Variants in THADA observed in about 807,000 individuals in gnomAD.
THADA encodes the protein THADA armadillo repeat containing, also known as tRNA (32-2'-O)-methyltransferase regulator THADA.
Under a neutral mutation model 219.8 loss-of-function variants are expected in THADA, and 213 were observed. That is an observed-to-expected ratio of 0.97 (90% CI 0.87 to 1.09). The LOEUF is 1.09. Ranked by LOEUF, THADA falls within the 50% of genes least tolerant of loss-of-function variation. The pLI, the probability that THADA is intolerant of heterozygous loss-of-function variation, is 0.00. For synonymous variants in THADA, 1,018 were observed against 828.9 expected (o/e 1.23, Z -3.92); for missense variants, 2,956 against 2,311.3 (o/e 1.28, Z -5.72).
intron 34 of THADA, among the ~76,000 whole-genome samples, chr2:43,290,376 G>T (rs890179385): frequency 1.3e-5 from 2 of 151,452 alleles, no homozygotes; most frequent in Non-Finnish European, 2.9e-5. Context: ...TTAGCTCCTA[G>T]TGACCTCCTA....
chr2:43,266,087 A>G (rs893724162), intron 36 of THADA, among the ~76,000 whole-genome samples: 1 of 151,902 alleles, frequency 6.6e-6, no homozygotes, highest in African/African-American at 2.4e-5. Context: ...GTGTGATGGG[A>G]CTGGGTTGCC....
chr2:43,280,920 TGA>T (rs1262670043), intron 35 of THADA, among the ~76,000 whole-genome samples: 1 of 152,182 alleles, frequency 6.6e-6, no homozygotes, highest in African/African-American at 2.4e-5. Flanking sequence ...ACAGGAAAGA[TGA>T]GAGTGGACTG....
intron 36 of THADA, among the ~76,000 whole-genome samples, chr2:43,238,660 A>T (rs1668313757): frequency 6.6e-6 from 1 of 152,234 alleles, no homozygotes; most frequent in Non-Finnish European, 1.5e-5. Flanking sequence ...CTTGTACATA[A>T]ATGTTCATAG....
chr2:43,270,026 C>T (rs1671948867), intron 36 of THADA, among the ~76,000 whole-genome samples: 1 of 152,174 alleles, frequency 6.6e-6, no homozygotes, highest in Non-Finnish European at 1.5e-5. Context: ...TCTGCCCTTA[C>T]CCCACACCAC....
At chr2:43,292,277 C>T in intron 32 of THADA, 55 bp from the exon 33 acceptor site, 1 of 1,129,702 alleles carries the variant, frequency 8.9e-7, no homozygotes, top group Non-Finnish European at 1.3e-6. Context: ...AGGGAGATGT[C>T]TCTAGATGTT....
chr2:43,357,116 A>G (rs750990212), intron 29 of THADA, among the ~76,000 whole-genome samples: 2 of 152,230 alleles, frequency 1.3e-5, no homozygotes, highest in Non-Finnish European at 2.9e-5. Flanking sequence ...TACTTTGGGA[A>G]CTGCAAGTAT....
At chr2:43,318,027 ATATTT>A (rs951856880) in intron 31 of THADA, among the ~76,000 whole-genome samples, 3 of 152,006 alleles carry the variant, frequency 2.0e-5, no homozygotes, top group Non-Finnish European at 4.4e-5. Flanking sequence ...TCTAGTTGCC[ATATTT>A]TATTTTATTT....
chr2:43,569,211 A>C (rs1341844344), intron 14 of THADA, among the ~76,000 whole-genome samples: 1 of 152,140 alleles, frequency 6.6e-6, no homozygotes, highest in African/African-American at 2.4e-5. Flanking sequence ...TCCTGGACTC[A>C]AGTGATCCTC....
intron 29 of THADA, among the ~76,000 whole-genome samples, chr2:43,375,704 A>G (rs981428056): frequency 4.6e-5 from 7 of 152,196 alleles, no homozygotes; most frequent in Non-Finnish European, 1.0e-4. Flanking sequence ...TGTAGGCCAA[A>G]AGAATATAAC....
chr2:43,336,133 A>G (rs6544645), intron 30 of THADA, among the ~76,000 whole-genome samples: 152,048 of 152,050 alleles, frequency 1, 76,023 homozygotes, highest in Middle Eastern at 1. Context: ...AGTGGCACAC[A>G]CCTATAGTCT....
chr2:43,505,809 T>A (rs1689601243), intron 23 of THADA, 74 bp from the exon 24 acceptor site: 1 of 1,067,174 alleles, frequency 9.4e-7, no homozygotes, highest in Non-Finnish European at 1.4e-6. Context: ...CCTGGATCAA[T>A]CCCAAAATGC....
chr2:43,506,973 T>G (rs1346566320), intron 23 of THADA, among the ~76,000 whole-genome samples: 1 of 152,190 alleles, frequency 6.6e-6, no homozygotes, highest in Non-Finnish European at 1.5e-5. Context: ...TTTAAATGAC[T>G]ATTCAAAAAA....
Position 43,268,948 on chromosome 2 carries a change from G to T in THADA, c.5296+10817C>A, listed in dbSNP as rs371744416. Among the ~76,000 whole-genome samples, 6 of 152,300 alleles carry T rather than the reference G, an allele frequency of 3.9e-5. No individual in the cohort carries two copies. The East Asian group carries it at 7.7e-4, about 20-fold the overall frequency. On this transcript the variant is annotated intron_variant, in intron 36 of 37. Coordinates refer to ENST00000405975, the MANE Select transcript of THADA (RefSeq NM_022065.5). ...AGGGACGAACGAGAAAGGTGGGGGG[G>T]CCCATCTTGCCACCCCTGACAGAGT... is the stretch of plus-strand genomic sequence containing the variant.
intron 22 of THADA, among the ~76,000 whole-genome samples, chr2:43,523,708 T>A (rs548594986): frequency 6.6e-6 from 1 of 152,324 alleles, no homozygotes; most frequent in Non-Finnish European, 1.5e-5. Context: ...AACTACTAAA[T>A]GTCACAATTT....
At chr2:43,272,138 C>G (rs966599728) in intron 36 of THADA, among the ~76,000 whole-genome samples, 5 of 152,144 alleles carry the variant, frequency 3.3e-5, no homozygotes, top group African/African-American at 1.2e-4. Flanking sequence ...GCAGAGGGAA[C>G]AGCTACTGCA....
At chr2:43,315,448 C>T (rs1677963789) in intron 31 of THADA, among the ~76,000 whole-genome samples, 1 of 152,012 alleles carries the variant, frequency 6.6e-6, no homozygotes, top group African/African-American at 2.4e-5. Context: ...TCTCCAGTTA[C>T]ATTCTTTTTT....
At chr2:43,416,299 A>T (rs751576413) in intron 28 of THADA, among the ~76,000 whole-genome samples, 5 of 152,200 alleles carry the variant, frequency 3.3e-5, no homozygotes, top group Non-Finnish European at 7.3e-5. Context: ...GTCAGTAACA[A>T]TTCAACTTTT....
chr2:43,291,728 C>T lies in THADA; in HGVS notation c.4978G>A (p.Val1660Ile). 1 of 1,557,578 alleles carries T rather than the reference C, an allele frequency of 6.4e-7. No homozygotes were observed. Among genetic ancestry groups the T allele is most frequent in the Non-Finnish European group, 8.7e-7 (1 of 1,149,266 alleles). The change falls in exon 34 of 38, where the codon GTC (valine) becomes ATC (isoleucine). Residue 1660 changes from valine to isoleucine, a missense_variant. Coordinates refer to ENST00000405975, the MANE Select transcript of THADA (RefSeq NM_022065.5). ...QSVALRLASK[V>I]ISHHMQTCVE... is the part of the protein sequence containing the mutation. ...CATGTCTGCATGTGGTGGGAAATGACTTTGGAAGCAAGTCTCAGAGCTACA... is the reference window on the plus strand; with the variant it reads ...CATGTCTGCATGTGGTGGGAAATGATTTTGGAAGCAAGTCTCAGAGCTACA...
At position 43,273,193 on chromosome 2, in the gene THADA, G is replaced by A. The variant is rs563248947; in HGVS notation, c.5296+6572C>T. Among the ~76,000 whole-genome samples the A allele has an allele frequency of 4.3e-3, 648 of 151,490 alleles. 6 individuals carry two copies. Among genetic ancestry groups the A allele is most frequent in the African/African-American group, 0.014 (587 of 41,262 alleles). ...GAACCCGGGAGGCGGAGGTTGCAGT[G>A]AGCCGAGATTGCACCACCACTGCAC... On this transcript the variant is annotated intron_variant, in intron 36 of 37. Transcript: ENST00000405975.
Sources: allele counts gnomAD v4.1 joint callset (sites outside exome capture counted in the v4.1 genomes callset), GRCh38; gene constraint gnomAD v4.1.1; transcripts MANE v1.5; gene names NCBI Gene and HGNC (gene_info 2026-07-23, HGNC 2026-07-21).